Variants in NECTIN1 observed in about 807,000 individuals in gnomAD.
NECTIN1 encodes the protein nectin cell adhesion molecule 1.
Under a neutral mutation model 48.0 loss-of-function variants are expected in NECTIN1, and 23 were observed. The ratio of observed to expected loss-of-function variants is 0.48; its 90% CI spans 0.34 to 0.68. The LOEUF (loss-of-function observed/expected upper bound fraction) is 0.68, where lower values mean the gene tolerates loss of function less well. Among genes scored for constraint, NECTIN1 ranks in the 30% least tolerant of loss-of-function variants. The pLI is 0.01. For synonymous variants in NECTIN1, 270 were observed against 288.9 expected, an observed-to-expected ratio of 0.93 and a Z score of 0.66; for missense variants, 591 against 709.9, an observed-to-expected ratio of 0.83 and a Z score of 1.90.
intron 7 of NECTIN1, chr11:119,638,263 G>A (rs778504913): frequency 1.9e-5 from 31 of 1,613,764 alleles, no homozygotes; most frequent in Middle Eastern, 1.7e-4. Context: ...AGAGAAGGCG[G>A]TGAGTGCTGC....
intron 1 of NECTIN1, among the ~76,000 whole-genome samples, chr11:119,701,400 G>T (rs911825033): frequency 6.6e-6 from 1 of 152,166 alleles, no homozygotes; most frequent in Non-Finnish European, 1.5e-5. Context: ...TCATTGAAGT[G>T]ACACAAACAC....
chr11:119,656,479 C>G (rs1374410831), downstream of NECTIN1: 1 of 152,182 alleles, frequency 6.6e-6, no homozygotes, highest in Non-Finnish European at 1.5e-5. Flanking sequence ...CAGCTTGTGC[C>G]GTTCTGTTAC....
chr11:119,702,626 C>T (rs1865477188), intron 1 of NECTIN1, among the ~76,000 whole-genome samples: 3 of 152,344 alleles, frequency 2.0e-5, no homozygotes, highest in Non-Finnish European at 2.9e-5. Flanking sequence ...CCTCTGACTC[C>T]AGGCTCCTGG....
intron 5 of NECTIN1, among the ~76,000 whole-genome samples, chr11:119,668,073 A>G (rs1864804304): frequency 6.6e-6 from 1 of 152,160 alleles, no homozygotes; most frequent in Admixed American, 6.5e-5. Flanking sequence ...TGCCTCCAAG[A>G]CAGTCTCACA....
At chr11:119,693,221 GTC>G (rs536400340) in intron 1 of NECTIN1, among the ~76,000 whole-genome samples, 3 of 151,702 alleles carry the variant, frequency 2.0e-5, no homozygotes, top group African/African-American at 4.8e-5. Flanking sequence ...CGGGGTGTGT[GTC>G]TCTCTCTCTC....
chr11:119,676,021 AAT>A (rs1491041435), intron 4 of NECTIN1, among the ~76,000 whole-genome samples: 2 of 149,120 alleles, frequency 1.3e-5, no homozygotes, highest in Non-Finnish European at 1.5e-5. Context: ...AAAAAAAAAA[AAT>A]AATAATACAG....
intron 4 of NECTIN1, among the ~76,000 whole-genome samples, chr11:119,676,616 G>T (rs1048323254): frequency 2.0e-5 from 3 of 152,248 alleles, no homozygotes; most frequent in African/African-American, 7.2e-5. Context: ...ATGGTGGGCC[G>T]CAGGGCACGT....
chr11:119,722,749 C>A (rs530459644), intron 1 of NECTIN1, among the ~76,000 whole-genome samples: 1 of 152,332 alleles, frequency 6.6e-6, no homozygotes, highest in African/African-American at 2.4e-5. Flanking sequence ...GTCAGCAGTG[C>A]GCAGGCAGCT....
rs1220585442 is a variant in NECTIN1, at chr11:119,716,379, G to C, written c.79+12096C>G. Among the ~76,000 whole-genome samples the C allele has an allele frequency of 3.3e-5, 5 of 152,086 alleles. 1 individual carries two copies. Among genetic ancestry groups the C allele is most frequent in the Admixed American group, 2.0e-4 (3 of 15,278 alleles). ...CTCACAACAGTCCAGCGGTGCGAAG[G>C]CTTTCCCTGGATCAAGCAAATTATT... On this transcript the variant is annotated intron_variant, in intron 1 of 5. Coordinates refer to ENST00000264025, the MANE Select transcript of NECTIN1 (RefSeq NM_002855.5).
chr11:119,701,569 T>C (rs1865452992), intron 1 of NECTIN1, among the ~76,000 whole-genome samples: 1 of 151,900 alleles, frequency 6.6e-6, no homozygotes. Flanking sequence ...GGGTTGGTAT[T>C]GTGGGGAGAG....
downstream of NECTIN1, among the ~76,000 whole-genome samples, chr11:119,658,090 T>C (rs183313730): frequency 4.8e-4 from 73 of 152,244 alleles, no homozygotes; most frequent in African/African-American, 1.7e-3. Flanking sequence ...ATGTTGATGA[T>C]GCCCTGCGGC....
intron 5 of NECTIN1, among the ~76,000 whole-genome samples, chr11:119,648,322 A>ATGGTGGTGATGG (rs1864436199): frequency 2.3e-4 from 1 of 4,258 alleles, no homozygotes; most frequent in African/African-American, 9.0e-4. Context: ...GGTGATGGTG[A>ATGGTGGTGATGG]TGGTGGTGAT....
Position 119,668,183 on chromosome 11 carries a change from T to G in NECTIN1, c.1004-2886A>C, listed in dbSNP as rs145545170. Among the ~76,000 whole-genome samples, 831 of 152,258 alleles carry G rather than the reference T, an allele frequency of 5.5e-3. 9 individuals are homozygous for G. The highest frequency in any genetic ancestry group is 0.019 in the African/African-American group (776 of 41,532). On this transcript the variant is annotated intron_variant, in intron 5 of 5. Coordinates refer to ENST00000264025, the MANE Select transcript of NECTIN1 (RefSeq NM_002855.5). ...TCAAAACCCATCTGTACCAACCTGG[T>G]TTGCCATCTTCCTTCTAAACCCTCT...
At chr11:119,693,710 C>T (rs1565394686) in intron 1 of NECTIN1, among the ~76,000 whole-genome samples, 1 of 152,218 alleles carries the variant, frequency 6.6e-6, no homozygotes, top group Non-Finnish European at 1.5e-5. Context: ...GGGGCTCCAA[C>T]ACACCTCTAA....
chr11:119,687,833 C>A (rs554219922), intron 1 of NECTIN1, among the ~76,000 whole-genome samples: 2 of 152,230 alleles, frequency 1.3e-5, no homozygotes, highest in African/African-American at 4.8e-5. Flanking sequence ...GCCACCCCAG[C>A]GCCCAACCCT....
Position 119,664,810 on chromosome 11 carries a change from C to T in NECTIN1, c.1491G>A (p.Leu497=), listed in dbSNP as rs549511537. 1 of 1,613,772 alleles carries T rather than the reference C, an allele frequency of 6.2e-7. No homozygotes were observed. The highest frequency in any genetic ancestry group is 1.3e-5 in the African/African-American group (1 of 75,022). Residue 497 remains leucine, a synonymous_variant, in exon 6 of 6, where the codon TTG becomes TTA. Transcript: ENST00000264025. ...GYQYDPEQLD[L]AENMVSQNDG... is the part of the protein sequence containing the mutation. Reference sequence around the variant, plus strand: ...CGTTCTGAGAAACCATGTTCTCAGCCAAGTCCAGCTGCTCAGGGTCGTACT... The same window carrying T: ...CGTTCTGAGAAACCATGTTCTCAGCTAAGTCCAGCTGCTCAGGGTCGTACT...
chr11:119,725,745 A>G (rs1307217280), intron 1 of NECTIN1, among the ~76,000 whole-genome samples: 2 of 152,184 alleles, frequency 1.3e-5, no homozygotes, highest in Non-Finnish European at 2.9e-5. Flanking sequence ...GTGACCCGAC[A>G]GGTCTTCCGA....
downstream of NECTIN1, among the ~76,000 whole-genome samples, chr11:119,660,422 G>A (rs1864641603): frequency 6.6e-6 from 1 of 151,754 alleles, no homozygotes; most frequent in Non-Finnish European, 1.5e-5. Flanking sequence ...GGAGGGGTGG[G>A]TCACAGGGAG....
chr11:119,641,565 G>T (rs974037409), intron 5 of NECTIN1: 1 of 150,402 alleles, frequency 6.6e-6, no homozygotes, highest in Non-Finnish European at 1.5e-5. Flanking sequence ...CACTCTGTCT[G>T]CCAGGGTCTC....
Sources: gnomAD v4.1 joint callset for allele counts (sites outside exome capture counted in the v4.1 genomes callset) on GRCh38, gnomAD v4.1.1 for gene constraint, MANE v1.5 for transcripts, NCBI Gene and HGNC (gene_info 2026-07-23, HGNC 2026-07-21) for gene names.